The following AK2 variants were observed in gnomAD, a reference collection of about 807,000 sequenced individuals.
AK2 encodes the protein adenylate kinase 2, also known as adenylate kinase 2, mitochondrial.
A neutral mutation model predicts 24.6 loss-of-function variants in AK2; 15 were observed. The observed-to-expected ratio is 0.61, with a 90% CI of 0.41 to 0.94. The LOEUF is 0.94. AK2 is among the 40% of genes least tolerant of loss of function. AK2 has a pLI of 0.00. For missense variants in AK2, 257 were observed against 304.1 expected (o/e 0.85, Z 1.15); for synonymous variants, 102 against 114.0 (o/e 0.90, Z 0.67).
chr1:33,034,987 G>A (rs955224187), intron 1 of AK2, among the ~76,000 whole-genome samples: 4 of 151,924 alleles, frequency 2.6e-5, no homozygotes, highest in South Asian at 4.2e-4. Flanking sequence ...ACACCACTGC[G>A]CTCCAACCTG....
intron 4 of AK2, among the ~76,000 whole-genome samples, chr1:33,016,274 C>T (rs932083325): frequency 2.6e-4 from 39 of 152,126 alleles, no homozygotes; most frequent in Non-Finnish European, 2.9e-4. Flanking sequence ...TACAGTGGCG[C>T]GGTCTCTGCT....
intron 1 of AK2, chr1:33,032,248 C>G (rs1207122676): frequency 6.5e-6 from 1 of 153,730 alleles, no homozygotes; most frequent in Non-Finnish European, 1.4e-5. Context: ...GAGGACCGTG[C>G]AGGGGACAGG....
intron 2 of AK2, among the ~76,000 whole-genome samples, chr1:33,021,974 T>C (rs1302399282): frequency 6.6e-6 from 1 of 152,132 alleles, no homozygotes; most frequent in African/African-American, 2.4e-5. Flanking sequence ...GGAAGACAGA[T>C]TCCATTACTT....
rs778923670 is a variant in AK2, at chr1:33,013,420, G to T, written c.499-18C>A. On this transcript the variant is annotated intron_variant, in intron 5 of 5. Coordinates refer to ENST00000672715, the MANE Select transcript of AK2 (RefSeq NM_001625.4). The stretch of plus-strand genomic sequence containing the variant: ...CCGGTGATCTGAGAACAGGAAGACA[G>T]CAATGAAAGGCTGGGACTGTTAGCA... 4.4e-6 allele frequency: 7 copies of T among 1,608,864 alleles called. No individual in the cohort carries two copies. The Admixed American group carries it at 1.2e-4, about 27-fold the overall frequency.
rs774527572 is a variant in AK2, at chr1:33,024,508, C to T, written c.153G>A (p.Arg51=). 6.2e-6 allele frequency: 10 copies of T among 1,614,150 alleles called. No individual in the cohort carries two copies. The South Asian group carries it at 7.7e-5, about 12-fold the overall frequency. The change falls in exon 2 of 6, where the codon AGG becomes AGA. Residue 51 remains arginine (R), a synonymous_variant. Coordinates refer to ENST00000672715, the MANE Select transcript of AK2 (RefSeq NM_001625.4). Reference sequence around the variant, plus strand: ...GCTCTGAGCCAGAAGCCACCATGGCCCTCAGCATGTCCCCAGTAGCTAAAT... The same window carrying T: ...GCTCTGAGCCAGAAGCCACCATGGCTCTCAGCATGTCCCCAGTAGCTAAAT... ...VCHLATGDML[R]AMVASGSELG...
At chr1:33,022,995 T>C (rs753737871) in intron 2 of AK2, among the ~76,000 whole-genome samples, 1 of 152,128 alleles carries the variant, frequency 6.6e-6, no homozygotes, top group Non-Finnish European at 1.5e-5. Context: ...GAAAACTAGA[T>C]AGAAATGGGC....
intron 2 of AK2, 23 bp from the exon 3 acceptor site, chr1:33,021,726 C>T: frequency 4.4e-6 from 7 of 1,584,772 alleles, no homozygotes; most frequent in Non-Finnish European, 6.1e-6. Context: ...AACAAAATAG[C>T]CTTGGGTTTA....
chr1:33,012,999 C>T lies in AK2; in HGVS notation c.*182G>A. Reference sequence around the variant, plus strand: ...ATATGTGCATGCACACACACACACACACAACACACATACACACAGATGAGA... The same window carrying T: ...ATATGTGCATGCACACACACACACATACAACACACATACACACAGATGAGA... On this transcript the variant is annotated 3_prime_UTR_variant, in exon 6 of 6. Transcript: ENST00000672715. 6.3e-7 allele frequency: 1 copy of T among 1,580,628 alleles called. No homozygotes were observed. Among genetic ancestry groups the T allele is most frequent in the Non-Finnish European group, 8.6e-7 (1 of 1,166,256 alleles).
intron 4 of AK2, among the ~76,000 whole-genome samples, chr1:33,017,743 G>A (rs920492813): frequency 1.3e-5 from 2 of 152,114 alleles, no homozygotes; most frequent in Non-Finnish European, 2.9e-5. Flanking sequence ...CACTGCTACC[G>A]TGAGTGTGAT....
At chr1:33,031,627 T>C (rs1392151491) in intron 1 of AK2, 5 of 455,942 alleles carry the variant, frequency 1.1e-5, no homozygotes, top group Admixed American at 4.7e-5. Flanking sequence ...CTATGTAGCC[T>C]AGAGAACAAG....
At position 33,008,444 on chromosome 1, in the gene AK2, C is replaced by T. The variant is rs1231926081; in HGVS notation, c.*4737G>A. 2 of 453,944 alleles carry T rather than the reference C, an allele frequency of 4.4e-6. No homozygotes were observed. The highest frequency in any genetic ancestry group is 6.9e-5 in the East Asian group (1 of 14,414). 28.1% of individuals were successfully genotyped at this position (453,944 alleles called of 1,614,324 possible). ...CACACAGGAGATCCTAAGACACATACCCTAGGCCCTCAGAGCCGGCAGTGA... is the reference window on the plus strand; with the variant it reads ...CACACAGGAGATCCTAAGACACATATCCTAGGCCCTCAGAGCCGGCAGTGA... On this transcript the variant is annotated 3_prime_UTR_variant, in exon 6 of 6. Coordinates refer to ENST00000672715, the MANE Select transcript of AK2 (RefSeq NM_001625.4).
chr1:33,032,103 AC>A (rs762641638), intron 1 of AK2: 2 of 168,032 alleles, frequency 1.2e-5, no homozygotes, highest in Non-Finnish European at 2.6e-5. Context: ...AAGAAAACAA[AC>A]ATTACTGAGC....
chr1:33,034,710 G>A (rs1049661760), intron 1 of AK2, among the ~76,000 whole-genome samples: 42 of 152,236 alleles, frequency 2.8e-4, no homozygotes, highest in Admixed American at 9.2e-4. Flanking sequence ...ACTAGTATAG[G>A]TTGTCCATTC....
chr1:33,022,268 T>C (rs774635090), intron 2 of AK2, among the ~76,000 whole-genome samples: 1 of 151,284 alleles, frequency 6.6e-6, no homozygotes, highest in Non-Finnish European at 1.5e-5. Flanking sequence ...ATCCTGGACA[T>C]GAGGAAACAG....
chr1:33,036,237 TCTCA>T (rs1640571121), intron 1 of AK2, among the ~76,000 whole-genome samples: 1 of 152,094 alleles, frequency 6.6e-6, no homozygotes, highest in Admixed American at 6.5e-5. Context: ...ACATGTCACC[TCTCA>T]CTCTGCCCCA....
intron 4 of AK2, chr1:33,020,055 C>A: frequency 6.5e-7 from 1 of 1,534,452 alleles, no homozygotes. Flanking sequence ...AGGCACAAAG[C>A]AGATGGCAGT....
Position 33,012,220 on chromosome 1 carries a change from G to T in AK2, c.*961C>A. The T allele has an allele frequency of 6.5e-7, 1 of 1,535,316 alleles. No individual in the cohort carries two copies. Among genetic ancestry groups the T allele is most frequent in the South Asian group, 1.2e-5 (1 of 84,040 alleles). ...TTTCAAACCCAATTCCCAAATAATTGCTATTTTCAGCATCATGATGCAGAT... is the reference window on the plus strand; with the variant it reads ...TTTCAAACCCAATTCCCAAATAATTTCTATTTTCAGCATCATGATGCAGAT... On this transcript the variant is annotated 3_prime_UTR_variant, in exon 6 of 6. Coordinates refer to ENST00000672715, the MANE Select transcript of AK2 (RefSeq NM_001625.4).
chr1:33,031,024 T>C (rs1640203578), intron 1 of AK2: 1 of 152,262 alleles, frequency 6.6e-6, no homozygotes, highest in African/African-American at 2.4e-5. Flanking sequence ...TTGTTTTTTT[T>C]TTAATCACAG....
chr1:33,033,159 CAAAAAAAAAAAAAAG>C (rs1640350620), intron 1 of AK2, among the ~76,000 whole-genome samples: 1 of 88,610 alleles, frequency 1.1e-5, no homozygotes, highest in Admixed American at 1.4e-4. Flanking sequence ...GACTCTGTCT[CAAAAAAAAAAAAAAG>C]AAAAGAAAAA....
Sources: gnomAD v4.1 joint callset for allele counts (sites outside exome capture counted in the v4.1 genomes callset) on GRCh38, gnomAD v4.1.1 for gene constraint, MANE v1.5 for transcripts, NCBI Gene and HGNC (gene_info 2026-07-23, HGNC 2026-07-21) for gene names.